The following PTPRD variants were observed in gnomAD, a reference collection of about 807,000 sequenced individuals.
PTPRD encodes receptor-type tyrosine-protein phosphatase delta.
PTPRD carries 34 observed loss-of-function variants against 214.5 expected under a neutral mutation model. That is an observed-to-expected ratio of 0.16 (90% CI 0.12 to 0.21). The LOEUF is 0.21. PTPRD is among the 10% of genes least tolerant of loss of function. PTPRD has a pLI of 1.00. For synonymous variants in PTPRD, 1,128 were observed against 845.7 expected (o/e 1.33, Z -5.79); for missense variants, 2,545 against 2,398.7 (o/e 1.06, Z -1.27).
chr9:9,926,265 T>C (rs1450995689), intron 5 of PTPRD, among the ~76,000 whole-genome samples: 3 of 152,176 alleles, frequency 2.0e-5, no homozygotes, highest in Non-Finnish European at 2.9e-5. Flanking sequence ...AATAACTGTA[T>C]GGTAGTGTTA....
chr9:9,771,980 A>G (rs560412682), intron 5 of PTPRD, among the ~76,000 whole-genome samples: 1 of 152,216 alleles, frequency 6.6e-6, no homozygotes, highest in Non-Finnish European at 1.5e-5. Context: ...AGAAGAAACT[A>G]GAAATTTCAA....
intron 3 of PTPRD, among the ~76,000 whole-genome samples, chr9:10,066,000 T>C (rs954456469): frequency 2.0e-5 from 3 of 151,946 alleles, no homozygotes; most frequent in African/African-American, 7.2e-5. Context: ...AATTTTATCA[T>C]TCACAAATGT....
chr9:8,723,729 C>T (rs2098526820), intron 12 of PTPRD, among the ~76,000 whole-genome samples: 1 of 152,044 alleles, frequency 6.6e-6, no homozygotes, highest in African/African-American at 2.4e-5. Flanking sequence ...TCTCTCACTC[C>T]TTTATAAGCA....
chr9:10,516,491 G>C (rs1163677884), intron 2 of PTPRD, among the ~76,000 whole-genome samples: 1 of 151,834 alleles, frequency 6.6e-6, no homozygotes, highest in Admixed American at 6.6e-5. Flanking sequence ...CAGATATATG[G>C]TTTGCAAATA....
chr9:9,243,591 T>C lies in PTPRD; in HGVS notation c.-202-60228A>G, dbSNP rs891812237. On this transcript the variant is annotated intron_variant, in intron 9 of 45. Transcript: ENST00000381196. ...AAAGGCCTTCGATAAAATTCAACAA[T>C]CTTCATGCTAAAAACTCTCAATAAA... Among the ~76,000 whole-genome samples the C allele has an allele frequency of 2.6e-5, 4 of 151,964 alleles. No homozygotes were observed. The East Asian group carries it at 5.8e-4, about 22-fold the overall frequency.
intron 12 of PTPRD, among the ~76,000 whole-genome samples, chr9:8,662,125 A>C (rs1259270283): frequency 1.3e-5 from 2 of 152,144 alleles, no homozygotes; most frequent in African/African-American, 2.4e-5. Flanking sequence ...AACCTACAGA[A>C]GAACAATAAC....
chr9:9,245,508 C>G (rs2099972609), intron 9 of PTPRD, among the ~76,000 whole-genome samples: 2 of 151,862 alleles, frequency 1.3e-5, no homozygotes, highest in African/African-American at 4.8e-5. Context: ...TCTCAGCAAA[C>G]TATTGCAAGG....
At chr9:10,268,761 C>T (rs560086578) in intron 3 of PTPRD, among the ~76,000 whole-genome samples, 6 of 152,298 alleles carry the variant, frequency 3.9e-5, no homozygotes, top group South Asian at 2.1e-4. Context: ...ACTCTCTCAA[C>T]GGCTACCGTC....
rs951205821 is a variant in PTPRD at position 10,612,768 on chromosome 9, G to C, written c.-788C>G. 6.5e-6 allele frequency: 1 copy of C among 152,684 alleles called. No individual in the cohort carries two copies. The highest frequency in any genetic ancestry group is 1.5e-5 in the Non-Finnish European group (1 of 68,488). 9.5% of individuals were successfully genotyped at this position (152,684 alleles called of 1,614,324 possible). Reference sequence around the variant, plus strand: ...CGGGAGGAGGAGGAGAAAGAGCAGCGGGAGGACTCGGGCTGGGAGGGGAGC... The same window carrying C: ...CGGGAGGAGGAGGAGAAAGAGCAGCCGGAGGACTCGGGCTGGGAGGGGAGC... On this transcript the variant is annotated 5_prime_UTR_variant, in exon 1 of 46. Coordinates refer to ENST00000381196, the MANE Select transcript of PTPRD (RefSeq NM_002839.4).
intron 10 of PTPRD, 122 bp downstream of exon 10, chr9:9,183,182 T>C (rs1003471280): frequency 6.6e-6 from 1 of 151,992 alleles, no homozygotes; most frequent in Non-Finnish European, 1.5e-5. Context: ...GTAAAATGTT[T>C]GAGTATTTTA....
intron 6 of PTPRD, among the ~76,000 whole-genome samples, chr9:9,748,507 C>G (rs1222913770): frequency 6.6e-6 from 1 of 152,088 alleles, no homozygotes; most frequent in Non-Finnish European, 1.5e-5. Context: ...GAAAAATAAA[C>G]AACACATCGT....
intron 27 of PTPRD, among the ~76,000 whole-genome samples, chr9:8,488,172 T>A (rs1317596152): frequency 6.6e-6 from 1 of 152,156 alleles, no homozygotes; most frequent in Non-Finnish European, 1.5e-5. Flanking sequence ...ATACATAGAA[T>A]ATTAACCTCA....
At chr9:10,107,179 G>A (rs982857271) in intron 3 of PTPRD, among the ~76,000 whole-genome samples, 5 of 151,964 alleles carry the variant, frequency 3.3e-5, no homozygotes, top group Non-Finnish European at 7.4e-5. Context: ...AGTGGACTTG[G>A]CAGATGGAAA....
rs544169932 is a variant in PTPRD, at chr9:10,594,050, CTT to C, written c.-600+18346_-600+18347del. 2.9e-3 allele frequency among the ~76,000 whole-genome samples: 448 copies of C among 152,000 alleles called. 2 individuals carry two copies. Among genetic ancestry groups the C allele is most frequent in the Non-Finnish European group, 5.1e-3 (349 of 67,916 alleles). On this transcript the variant is annotated intron_variant, in intron 2 of 45. Transcript: ENST00000381196. ...CTTTCTCGCTATAAGAATAACTAAA[CTT>C]TTTGTGTTGTGCTTCCATCTTTTCT...
chr9:9,194,640 G>A (rs1296483316), intron 9 of PTPRD, among the ~76,000 whole-genome samples: 1 of 152,148 alleles, frequency 6.6e-6, no homozygotes, highest in African/African-American at 2.4e-5. Context: ...CAGACAAGAG[G>A]AATGTGCAAA....
At chr9:9,388,887 C>G (rs4487835) in intron 9 of PTPRD, among the ~76,000 whole-genome samples, 3 of 151,582 alleles carry the variant, frequency 2.0e-5, no homozygotes, top group Non-Finnish European at 4.4e-5. Context: ...TTGCCAGTCT[C>G]CTGAAAAAAA....
Position 8,373,897 on chromosome 9 carries a change from TCTATCTATCTATCTATCTACCTACCTAC to T in PTPRD, c.4661+2011_4661+2038del, listed in dbSNP as rs1163884290. Among the ~76,000 whole-genome samples, 51 of 108,394 alleles carry T rather than the reference TCTATCTATCTATCTATCTACCTACCTAC, an allele frequency of 4.7e-4. 1 individual carries two copies. Among genetic ancestry groups the T allele is most frequent in the African/African-American group, 2.7e-3 (42 of 15,512 alleles). The allele number at this position is 108,394 out of a possible 152,430, so 71.1% of individuals were successfully genotyped here. A position where few individuals can be genotyped will look rare whatever the true frequency, so the allele number is the denominator to read the frequency against. On this transcript the variant is annotated intron_variant, in intron 39 of 45. Coordinates refer to ENST00000381196, the MANE Select transcript of PTPRD (RefSeq NM_002839.4). ...ATCTATCTATCTATCTATCTATCTA[TCTATCTATCTATCTATCTACCTACCTAC>T]CTATCTCAGTTTTCTAGTGCCTCCA...
chr9:10,511,876 G>A lies in PTPRD; in HGVS notation c.-600+100522C>T, dbSNP rs2784596. ...TCTGTGTGTGTGTGTGTGTGTGTGT[G>A]TGTATATACACACACACATATATAT... On this transcript the variant is annotated intron_variant, in intron 2 of 45. Transcript: ENST00000381196. Among the ~76,000 whole-genome samples, 194 of 71,628 alleles carry A rather than the reference G, an allele frequency of 2.7e-3. 1 individual carries two copies. The highest frequency in any genetic ancestry group is 7.8e-3 in the African/African-American group (173 of 22,116). 47.0% of individuals were successfully genotyped at this position (71,628 alleles called of 152,430 possible). A position where few individuals can be genotyped will look rare whatever the true frequency, so the allele number is the denominator to read the frequency against.
intron 2 of PTPRD, among the ~76,000 whole-genome samples, chr9:10,508,389 G>A (rs566685695): frequency 1.1e-4 from 16 of 152,270 alleles, no homozygotes; most frequent in South Asian, 4.1e-4. Context: ...ACAGTGCGGC[G>A]ATTCCTCAGG....
Sources: gnomAD v4.1 joint callset for allele counts (sites outside exome capture counted in the v4.1 genomes callset) on GRCh38, gnomAD v4.1.1 for gene constraint, MANE v1.5 for transcripts, NCBI Gene and HGNC (gene_info 2026-07-23, HGNC 2026-07-21) for gene names.